Variants in MRTFB observed in about 807,000 individuals in gnomAD.
The protein encoded by MRTFB is myocardin related transcription factor B.
A neutral mutation model predicts 104.2 loss-of-function variants in MRTFB; 29 were observed. That is an observed-to-expected ratio of 0.28 (90% CI 0.21 to 0.38). The LOEUF (loss-of-function observed/expected upper bound fraction) is 0.38. MRTFB is among the 10% of genes least tolerant of loss of function. The pLI, the probability that MRTFB is intolerant of heterozygous loss-of-function variation, is 1.00. For missense variants in MRTFB, 1,270 were observed against 1,341.6 expected (o/e 0.95, Z 0.83); for synonymous variants, 535 against 519.5 (o/e 1.03, Z -0.41).
chr16:14,126,330 G>A (rs2037109614), intron 2 of MRTFB, among the ~76,000 whole-genome samples: 1 of 151,950 alleles, frequency 6.6e-6, no homozygotes, highest in Non-Finnish European at 1.5e-5. Context: ...TTCAACCTCT[G>A]TTACTTTAAG....
chr16:14,021,365 G>A, the MRTFB span, among the ~76,000 whole-genome samples: 3 of 152,150 alleles, frequency 2.0e-5, no homozygotes, highest in Non-Finnish European at 4.4e-5. Context: ...CATGTGGCTC[G>A]CTCCTACAGC....
chr16:14,207,315 A>C (rs903285193), intron 3 of MRTFB, among the ~76,000 whole-genome samples: 2 of 152,226 alleles, frequency 1.3e-5, no homozygotes, highest in Non-Finnish European at 2.9e-5. Flanking sequence ...AATGGGATAG[A>C]AAACACAAAT....
chr16:14,017,711 ATT>A, the MRTFB span, among the ~76,000 whole-genome samples: 54 of 33,594 alleles, frequency 1.6e-3, 3 homozygotes, highest in African/African-American at 4.7e-3. Flanking sequence ...ATATATATAT[ATT>A]TTTTTTTTTT....
chr16:14,127,904 T>TAC (rs1382322565), intron 2 of MRTFB, among the ~76,000 whole-genome samples: 1 of 36,000 alleles, frequency 2.8e-5, no homozygotes, highest in East Asian at 5.6e-4. Context: ...AAACTGAATA[T>TAC]ATATATATAT....
At chr16:14,123,554 T>C (rs2036959072) in intron 2 of MRTFB, among the ~76,000 whole-genome samples, 1 of 152,164 alleles carries the variant, frequency 6.6e-6, no homozygotes, top group African/African-American at 2.4e-5. Context: ...TCCCCATTGC[T>C]TGTTTGTATA....
chr16:14,234,380 C>T, intron 9 of MRTFB, 97 bp downstream of exon 9: 2 of 1,402,666 alleles, frequency 1.4e-6, no homozygotes, highest in Non-Finnish European at 1.9e-6. Flanking sequence ...CCAACTTGCT[C>T]AGCCTGCCTT....
the MRTFB span, among the ~76,000 whole-genome samples, chr16:14,057,298 G>A: frequency 6.6e-6 from 1 of 152,054 alleles, no homozygotes; most frequent in Non-Finnish European, 1.5e-5. Context: ...CCTGTTTTCT[G>A]CTCCAGCCTT....
At chr16:14,237,290 A>G (rs1397316991) in intron 9 of MRTFB, among the ~76,000 whole-genome samples, 1 of 152,242 alleles carries the variant, frequency 6.6e-6, no homozygotes, top group Admixed American at 6.5e-5. Flanking sequence ...GAGGAGAACC[A>G]GCAAAGGAGA....
At chr16:14,012,489 G>A in the MRTFB span, among the ~76,000 whole-genome samples, 1 of 151,534 alleles carries the variant, frequency 6.6e-6, no homozygotes, top group African/African-American at 2.4e-5. Context: ...TAGTAGAGAT[G>A]GGGTTTCTCC....
chr16:14,006,309 C>T, the MRTFB span, among the ~76,000 whole-genome samples: 1 of 151,960 alleles, frequency 6.6e-6, no homozygotes, highest in Non-Finnish European at 1.5e-5. Flanking sequence ...TGTCATTGCA[C>T]TCCAGCCTGG....
intron 9 of MRTFB, among the ~76,000 whole-genome samples, chr16:14,238,420 T>TA (rs1271809322): frequency 6.6e-6 from 1 of 152,108 alleles, no homozygotes; most frequent in Non-Finnish European, 1.5e-5. Context: ...AAAAGGATTG[T>TA]AGGTCTCAGT....
chr16:14,225,523 C>G (rs9931854), intron 8 of MRTFB, among the ~76,000 whole-genome samples: 9,557 of 152,100 alleles, frequency 0.063, 1,013 homozygotes, highest in African/African-American at 0.22. Flanking sequence ...GCAAACCTAC[C>G]CCCAAAAGCT....
Position 14,257,979 on chromosome 16 carries a change from T to G in MRTFB, c.2704-122T>G, listed in dbSNP as rs955345579. On this transcript the variant is annotated intron_variant, in intron 15 of 16. Coordinates refer to ENST00000571589, the MANE Select transcript of MRTFB (RefSeq NM_001308142.2). ...CTTAACTTCTCAGGTGACCTCAGTG[T>G]TTTCAAAATTATCACGATAGATTAG... The G allele has an allele frequency of 1.9e-5, 16 of 831,260 alleles. No individual in the cohort carries two copies. In the East Asian group the frequency reaches 4.4e-4, roughly 23 times the overall value. 51.5% of individuals were successfully genotyped at this position (831,260 alleles called of 1,614,324 possible).
intron 3 of MRTFB, among the ~76,000 whole-genome samples, chr16:14,164,961 A>AG (rs2039180261): frequency 6.6e-6 from 1 of 152,236 alleles, no homozygotes; most frequent in African/African-American, 2.4e-5. Context: ...TTAAAAAAAA[A>AG]AAAACTACCT....
At chr16:14,072,145 A>C (rs1422748811) in intron 1 of MRTFB, among the ~76,000 whole-genome samples, 1 of 152,176 alleles carries the variant, frequency 6.6e-6, no homozygotes, top group South Asian at 2.1e-4. Context: ...TTGTTTCAGC[A>C]CGCGATTCCA....
At chr16:14,136,485 C>T (rs929416069) in intron 2 of MRTFB, among the ~76,000 whole-genome samples, 2 of 152,064 alleles carry the variant, frequency 1.3e-5, no homozygotes, top group Non-Finnish European at 2.9e-5. Flanking sequence ...CTGTCCCAAA[C>T]CAATTGTAGC....
At chr16:14,026,665 A>C in the MRTFB span, among the ~76,000 whole-genome samples, 1 of 152,214 alleles carries the variant, frequency 6.6e-6, no homozygotes, top group African/African-American at 2.4e-5. Flanking sequence ...AAAAGACTTG[A>C]GTCTGGAATA....
intron 1 of MRTFB, among the ~76,000 whole-genome samples, chr16:14,071,682 T>C (rs958688204): frequency 6.6e-5 from 10 of 152,082 alleles, no homozygotes; most frequent in African/African-American, 2.4e-4. Flanking sequence ...ATGGAGCCTC[T>C]GCTGTGTGCC....
chr16:14,175,135 T>C (rs2039539185), intron 3 of MRTFB, among the ~76,000 whole-genome samples: 1 of 149,492 alleles, frequency 6.7e-6, no homozygotes, highest in Non-Finnish European at 1.5e-5. Flanking sequence ...CGAGTAACCT[T>C]GTGGGTTTAA....
Sources: gnomAD v4.1 joint callset for allele counts (sites outside exome capture counted in the v4.1 genomes callset) on GRCh38, gnomAD v4.1.1 for gene constraint, MANE v1.5 for transcripts, NCBI Gene and HGNC (gene_info 2026-07-23, HGNC 2026-07-21) for gene names.